The following CCDC7 variants were observed in gnomAD, a reference collection of about 807,000 sequenced individuals.
The protein encoded by CCDC7 is coiled-coil domain-containing protein 7.
In CCDC7, 183 loss-of-function variants were observed where a neutral mutation model predicts 196.9. That is an observed-to-expected ratio of 0.93 (90% confidence interval 0.82 to 1.05). The LOEUF (loss-of-function observed/expected upper bound fraction) is 1.05. Ranked by LOEUF, CCDC7 falls within the 50% of genes least tolerant of loss-of-function variation. The pLI is 0.00. For missense variants in CCDC7, 1,540 were observed against 1,482.2 expected (o/e 1.04, Z -0.64); for synonymous variants, 525 against 484.6 (o/e 1.08, Z -1.10).
At chr10:32,591,926 A>G (rs995224107) in intron 18 of CCDC7, among the ~76,000 whole-genome samples, 1 of 152,158 alleles carries the variant, frequency 6.6e-6, no homozygotes, top group African/African-American at 2.4e-5. Flanking sequence ...GCGACATGGT[A>G]CCTAAGCTGT....
upstream of CCDC7, among the ~76,000 whole-genome samples, chr10:32,444,946 T>A (rs1380623098): frequency 6.6e-6 from 1 of 151,672 alleles, no homozygotes; most frequent in Non-Finnish European, 1.5e-5. Flanking sequence ...CTCCACCTCC[T>A]GGGTTCAAGT....
intron 8 of CCDC7, among the ~76,000 whole-genome samples, chr10:32,477,340 C>A (rs1383290249): frequency 1.3e-5 from 2 of 151,726 alleles, no homozygotes; most frequent in Non-Finnish European, 2.9e-5. Context: ...GCAGCTGGGA[C>A]CACAGGCGTG....
At chr10:32,543,543 T>C (rs1366747057) in intron 12 of CCDC7, among the ~76,000 whole-genome samples, 158 bp downstream of exon 13, 1 of 152,040 alleles carries the variant, frequency 6.6e-6, no homozygotes, top group Non-Finnish European at 1.5e-5. Context: ...CAGTATATGA[T>C]TATGGGATAA....
At chr10:32,643,110 A>T (rs1266667697) in intron 20 of CCDC7, among the ~76,000 whole-genome samples, 1 of 152,170 alleles carries the variant, frequency 6.6e-6, no homozygotes, top group Non-Finnish European at 1.5e-5. Context: ...TAAGAGAGGC[A>T]TGTTGAATTC....
chr10:32,468,528 T>C (rs926007608), intron 5 of CCDC7, among the ~76,000 whole-genome samples: 9 of 152,302 alleles, frequency 5.9e-5, no homozygotes, highest in African/African-American at 2.2e-4. Context: ...TGTCTATAAA[T>C]GGGAATAGTT....
intron 9 of CCDC7, among the ~76,000 whole-genome samples, chr10:32,503,128 A>G (rs990655726): frequency 6.6e-6 from 1 of 152,054 alleles, no homozygotes; most frequent in African/African-American, 2.4e-5. Flanking sequence ...TTCTATTTTG[A>G]TGCATTTTAT....
chr10:32,732,801 C>T (rs1380693175), intron 28 of CCDC7, among the ~76,000 whole-genome samples: 1 of 152,110 alleles, frequency 6.6e-6, no homozygotes, highest in Non-Finnish European at 1.5e-5. Context: ...TAGCAACTCT[C>T]TTTGCCATTA....
At chr10:32,623,777 A>G (rs533196304) in intron 18 of CCDC7, 9 of 470,308 alleles carry the variant, frequency 1.9e-5, no homozygotes, top group African/African-American at 8.0e-5. Context: ...GGGAGCTTCT[A>G]CTCGTGCAGG....
chr10:32,635,351 T>G (rs1389181966), intron 20 of CCDC7, among the ~76,000 whole-genome samples, 193 bp downstream of exon 21: 2 of 152,210 alleles, frequency 1.3e-5, no homozygotes, highest in Non-Finnish European at 2.9e-5. Context: ...TCCTTGTTCC[T>G]TTTTATAATA....
At chr10:32,464,485 C>T (rs1237286081) in intron 5 of CCDC7, among the ~76,000 whole-genome samples, 1 of 146,768 alleles carries the variant, frequency 6.8e-6, no homozygotes, top group Non-Finnish European at 1.5e-5. Context: ...CTCTTGCCTT[C>T]TCAAGACTTT....
chr10:32,663,101 G>A (rs10218979), intron 20 of CCDC7, among the ~76,000 whole-genome samples: 17,266 of 152,122 alleles, frequency 0.11, 1,175 homozygotes, highest in South Asian at 0.27. Context: ...AGTGGCCATG[G>A]AAGGACATTC....
chr10:32,803,775 T>G (rs2085278495), intron 29 of CCDC7, among the ~76,000 whole-genome samples: 1 of 152,186 alleles, frequency 6.6e-6, no homozygotes, highest in Admixed American at 6.5e-5. Context: ...CTTGTCATTT[T>G]GTTGTCTTCT....
At chr10:32,795,925 T>C (rs2083477693) in intron 29 of CCDC7, among the ~76,000 whole-genome samples, 1 of 152,164 alleles carries the variant, frequency 6.6e-6, no homozygotes, top group Non-Finnish European at 1.5e-5. Flanking sequence ...GCTTCTTATA[T>C]GTTATTAAAT....
At chr10:32,535,977 C>G (rs1331508087) in intron 11 of CCDC7, among the ~76,000 whole-genome samples, 1 of 152,090 alleles carries the variant, frequency 6.6e-6, no homozygotes, top group Non-Finnish European at 1.5e-5. Context: ...TAAAATGCAT[C>G]TATTTAGATT....
chr10:32,597,781 C>T lies in CCDC7; in HGVS notation c.1801+13477C>T, dbSNP rs555517810. Among the ~76,000 whole-genome samples, 8 of 152,292 alleles carry T rather than the reference C, an allele frequency of 5.3e-5. 1 individual carries two copies. In the South Asian group the frequency reaches 8.3e-4, roughly 16 times the overall value. On this transcript the variant is annotated intron_variant, in intron 18 of 41. Transcript: ENST00000639629. Reference sequence around the variant, plus strand: ...CTGCCGGTCTCTTGGGGTGTGCTGGCGGTCCACGCCAGACCCTGTTTGCCT... The same window carrying T: ...CTGCCGGTCTCTTGGGGTGTGCTGGTGGTCCACGCCAGACCCTGTTTGCCT...
intron 29 of CCDC7, 26 bp downstream of exon 30, chr10:32,779,110 C>A: frequency 7.1e-7 from 1 of 1,416,630 alleles, no homozygotes; most frequent in Non-Finnish European, 9.7e-7. Flanking sequence ...TGTTTGGATA[C>A]AGTAGAACAC....
chr10:32,824,440 T>C (rs563143312), intron 31 of CCDC7, 78 bp from the exon 33 acceptor site: 1 of 775,230 alleles, frequency 1.3e-6, no homozygotes, highest in Non-Finnish European at 2.1e-6. Context: ...TTAATTATGA[T>C]AGTATTAGAC....
At chr10:32,742,070 A>T (rs868713998) in intron 28 of CCDC7, among the ~76,000 whole-genome samples, 25 of 152,318 alleles carry the variant, frequency 1.6e-4, no homozygotes, top group Middle Eastern at 3.4e-3. Flanking sequence ...TATAGTTAGA[A>T]TTTTTTGTTC....
chr10:32,635,967 ATTAC>A (rs1228811251), intron 20 of CCDC7, among the ~76,000 whole-genome samples: 1 of 151,988 alleles, frequency 6.6e-6, no homozygotes, highest in African/African-American at 2.4e-5. Context: ...TTTATGCCCT[ATTAC>A]TTAATATCAT....
Sources: gnomAD v4.1 joint callset for allele counts (sites outside exome capture counted in the v4.1 genomes callset) on GRCh38, gnomAD v4.1.1 for gene constraint, MANE v1.5 for transcripts, NCBI Gene and HGNC (gene_info 2026-07-23, HGNC 2026-07-21) for gene names.